Variants in DNM3 observed in about 807,000 individuals in gnomAD.
DNM3 encodes the protein dynamin 3, also known as dynamin-3.
DNM3 carries 47 observed loss-of-function variants against 101.6 expected under a neutral mutation model. The observed-to-expected ratio is 0.46, with a 90% CI of 0.37 to 0.59. The LOEUF is 0.59. Among genes scored for constraint, DNM3 ranks in the 20% least tolerant of loss-of-function variants. The pLI is 0.00. For missense variants in DNM3, 849 were observed against 1,085.7 expected (o/e 0.78, Z 3.06); for synonymous variants, 385 against 387.9 (o/e 0.99, Z 0.09).
At chr1:172,331,695 A>C (rs563817327) in intron 17 of DNM3, among the ~76,000 whole-genome samples, 65 of 152,232 alleles carry the variant, frequency 4.3e-4, no homozygotes, top group Non-Finnish European at 7.6e-4. Flanking sequence ...AGTAAAAGCC[A>C]GTGACTTAAT....
intron 16 of DNM3, among the ~76,000 whole-genome samples, chr1:172,322,919 G>T (rs1162487715): frequency 6.6e-6 from 1 of 151,942 alleles, no homozygotes; most frequent in Non-Finnish European, 1.5e-5. Context: ...CATGTTGGAG[G>T]AGGAGCTGTC....
At chr1:171,959,955 A>T (rs1399710671) in intron 2 of DNM3, among the ~76,000 whole-genome samples, 1 of 152,128 alleles carries the variant, frequency 6.6e-6, no homozygotes. Context: ...TTGTAGAAAT[A>T]TGAGTGTTCT....
chr1:172,291,094 GTAGCAGGAT>G (rs1467638045), intron 15 of DNM3, among the ~76,000 whole-genome samples: 1 of 152,182 alleles, frequency 6.6e-6, no homozygotes, highest in Non-Finnish European at 1.5e-5. Context: ...TATCTATAGA[GTAGCAGGAT>G]TACAGCCCTC....
chr1:172,384,604 A>G (rs933747840), intron 18 of DNM3, among the ~76,000 whole-genome samples: 2 of 152,254 alleles, frequency 1.3e-5, no homozygotes, highest in Non-Finnish European at 2.9e-5. Context: ...CCAGTGTGTC[A>G]TAATTGCTGT....
At chr1:172,011,454 C>A (rs1346003836) in intron 4 of DNM3, among the ~76,000 whole-genome samples, 2 of 152,010 alleles carry the variant, frequency 1.3e-5, no homozygotes, top group Non-Finnish European at 2.9e-5. Flanking sequence ...ATCGATGTCT[C>A]CTCAATTTAG....
At chr1:172,270,548 A>G (rs1158892624) in intron 15 of DNM3, among the ~76,000 whole-genome samples, 1 of 152,172 alleles carries the variant, frequency 6.6e-6, no homozygotes, top group Non-Finnish European at 1.5e-5. Flanking sequence ...TTCCTTACAC[A>G]TAAATTATAT....
intron 2 of DNM3, among the ~76,000 whole-genome samples, chr1:171,934,843 G>A (rs1213114987): frequency 1.3e-5 from 2 of 152,140 alleles, no homozygotes; most frequent in East Asian, 1.9e-4. Flanking sequence ...AAAATGATGA[G>A]TAGCTACCAT....
chr1:172,220,861 C>A (rs974414433), intron 14 of DNM3, among the ~76,000 whole-genome samples: 1 of 152,036 alleles, frequency 6.6e-6, no homozygotes, highest in Middle Eastern at 3.4e-3. Flanking sequence ...TAAAAGCGTG[C>A]CATAAAGAAT....
intron 17 of DNM3, among the ~76,000 whole-genome samples, chr1:172,327,705 A>T (rs767257086): frequency 6.6e-6 from 1 of 152,188 alleles, no homozygotes; most frequent in African/African-American, 2.4e-5. Context: ...AAGCCAATAC[A>T]TGCCCTGGGG....
chr1:171,935,339 AGTACAGGAAAGCAT>A (rs2041324019), intron 2 of DNM3, among the ~76,000 whole-genome samples: 1 of 152,216 alleles, frequency 6.6e-6, no homozygotes, highest in Non-Finnish European at 1.5e-5. Flanking sequence ...TTTAGTACTT[AGTACAGGAAAGCAT>A]TCCAGGAAAT....
intron 2 of DNM3, among the ~76,000 whole-genome samples, chr1:171,983,689 C>T (rs575090415): frequency 1.3e-5 from 2 of 152,246 alleles, no homozygotes; most frequent in Non-Finnish European, 2.9e-5. Flanking sequence ...TTGGACTTCT[C>T]CATGAACAAA....
intron 17 of DNM3, among the ~76,000 whole-genome samples, chr1:172,328,271 G>A (rs2066023499): frequency 6.6e-6 from 1 of 152,074 alleles, no homozygotes; most frequent in Non-Finnish European, 1.5e-5. Context: ...CTCACATATT[G>A]TAATGTACAC....
chr1:172,048,973 C>T (rs997667541), intron 10 of DNM3, among the ~76,000 whole-genome samples: 1 of 152,124 alleles, frequency 6.6e-6, no homozygotes, highest in East Asian at 1.9e-4. Context: ...GAGTATATTT[C>T]TTTGGCTGAT....
At chr1:171,847,721 C>T (rs2032338850) in intron 1 of DNM3, among the ~76,000 whole-genome samples, 1 of 151,904 alleles carries the variant, frequency 6.6e-6, no homozygotes, top group African/African-American at 2.4e-5. Flanking sequence ...AAGTCAAAGA[C>T]ACAAATGTCA....
chr1:172,111,512 A>G (rs943953443), intron 13 of DNM3, among the ~76,000 whole-genome samples: 4 of 152,252 alleles, frequency 2.6e-5, no homozygotes, highest in African/African-American at 9.6e-5. Flanking sequence ...TAGGATTATT[A>G]GTTCCAATTC....
intron 14 of DNM3, among the ~76,000 whole-genome samples, chr1:172,231,549 A>G (rs1184260534): frequency 6.6e-6 from 1 of 152,212 alleles, no homozygotes; most frequent in African/African-American, 2.4e-5. Flanking sequence ...CTCCTCCTCC[A>G]AAGGAACACA....
intron 13 of DNM3, among the ~76,000 whole-genome samples, chr1:172,102,149 C>T (rs1266472258): frequency 1.3e-4 from 20 of 152,172 alleles, no homozygotes; most frequent in Admixed American, 2.6e-4. Flanking sequence ...TGAGCCACCA[C>T]GCCCGGCCAC....
intron 14 of DNM3, among the ~76,000 whole-genome samples, chr1:172,247,175 T>C (rs1185041807): frequency 5.3e-5 from 8 of 152,166 alleles, no homozygotes; most frequent in African/African-American, 1.7e-4. Context: ...ACTTCGCGTG[T>C]GGTCTACGCA....
chr1:172,361,822 T>C (rs1558043723), intron 17 of DNM3, among the ~76,000 whole-genome samples: 2 of 152,022 alleles, frequency 1.3e-5, no homozygotes, highest in Non-Finnish European at 2.9e-5. Context: ...AAGTCATCAG[T>C]GCTAGGTCTT....
Sources: allele counts gnomAD v4.1 joint callset (sites outside exome capture counted in the v4.1 genomes callset), GRCh38; gene constraint gnomAD v4.1.1; transcripts MANE v1.5; gene names NCBI Gene and HGNC (gene_info 2026-07-23, HGNC 2026-07-21).